RAD51B: variants seen among roughly 807,000 people sequenced by gnomAD.
The protein encoded by RAD51B is DNA repair protein RAD51 homolog 2.
Under a neutral mutation model 42.2 loss-of-function variants are expected in RAD51B, and 38 were observed. That is an observed-to-expected ratio of 0.90 (90% confidence interval 0.70 to 1.18). RAD51B has a LOEUF of 1.18. Among genes scored for constraint, RAD51B ranks in the 50% most tolerant of loss-of-function variants. RAD51B has a pLI of 0.00. For missense variants in RAD51B, 373 were observed against 400.7 expected (o/e 0.93, Z 0.59); for synonymous variants, 154 against 145.2 (o/e 1.06, Z -0.43).
intron 7 of RAD51B, among the ~76,000 whole-genome samples, chr14:68,068,336 A>G (rs12436203): frequency 0.13 from 19,216 of 152,118 alleles, 1,384 homozygotes; most frequent in Middle Eastern, 0.28. Context: ...GGATTTGCCT[A>G]TTCTTGACAT....
intron 11 of RAD51B, among the ~76,000 whole-genome samples, chr14:68,682,310 G>C (rs1400565521): frequency 6.6e-6 from 1 of 152,142 alleles, no homozygotes; most frequent in African/African-American, 2.4e-5. Flanking sequence ...CCATAGGCCA[G>C]ACACCTTTTG....
At chr14:67,908,062 G>C (rs576616660) in intron 7 of RAD51B, among the ~76,000 whole-genome samples, 15 of 152,010 alleles carry the variant, frequency 9.9e-5, no homozygotes, top group Non-Finnish European at 1.2e-4. Context: ...ATACCTATTT[G>C]TTTAAATTAC....
At chr14:68,662,262 C>T (rs1023909548) in intron 11 of RAD51B, among the ~76,000 whole-genome samples, 1 of 152,254 alleles carries the variant, frequency 6.6e-6, no homozygotes, top group Admixed American at 6.5e-5. Context: ...TCTTTCACAC[C>T]TGCCCCATCC....
chr14:67,947,186 T>G (rs2045424977), intron 7 of RAD51B, among the ~76,000 whole-genome samples: 1 of 152,170 alleles, frequency 6.6e-6, no homozygotes, highest in Non-Finnish European at 1.5e-5. Flanking sequence ...ATATTTTATA[T>G]CCCCATGACT....
chr14:68,532,811 A>G (rs1044458133), intron 10 of RAD51B, among the ~76,000 whole-genome samples: 1 of 152,246 alleles, frequency 6.6e-6, no homozygotes, highest in African/African-American at 2.4e-5. Flanking sequence ...TAAATAAAAT[A>G]TTAACAATAT....
intron 11 of RAD51B, among the ~76,000 whole-genome samples, chr14:68,670,479 G>A (rs1220134044): frequency 6.6e-6 from 1 of 152,172 alleles, no homozygotes; most frequent in Non-Finnish European, 1.5e-5. Context: ...CCAAGGAGAG[G>A]GCACTAGGCC....
chr14:67,953,133 C>G (rs143463872), intron 7 of RAD51B, among the ~76,000 whole-genome samples: 1 of 152,256 alleles, frequency 6.6e-6, no homozygotes, highest in East Asian at 1.9e-4. Context: ...AAAGCAGAAT[C>G]AACCATCTAA....
intron 8 of RAD51B, among the ~76,000 whole-genome samples, chr14:68,382,793 T>C (rs1318716055): frequency 6.6e-6 from 1 of 152,222 alleles, no homozygotes; most frequent in Non-Finnish European, 1.5e-5. Flanking sequence ...TGGTGGTATG[T>C]TGATAGTTTC....
intron 7 of RAD51B, among the ~76,000 whole-genome samples, chr14:68,154,386 T>TA (rs1318707946): frequency 6.6e-6 from 1 of 152,216 alleles, no homozygotes; most frequent in African/African-American, 2.4e-5. Flanking sequence ...TTCTTATTCG[T>TA]AAAAATAGGC....
chr14:68,575,846 T>C (rs1316811947), intron 10 of RAD51B, among the ~76,000 whole-genome samples: 1 of 152,220 alleles, frequency 6.6e-6, no homozygotes, highest in Non-Finnish European at 1.5e-5. Flanking sequence ...TAGAAAGATA[T>C]ATTAATCAGG....
chr14:68,397,261 A>C (rs2083950402), intron 8 of RAD51B, among the ~76,000 whole-genome samples: 1 of 152,240 alleles, frequency 6.6e-6, no homozygotes, highest in South Asian at 2.1e-4. Context: ...CTGGATAAGC[A>C]TTGGCCTTCG....
intron 10 of RAD51B, among the ~76,000 whole-genome samples, chr14:68,508,542 C>T (rs1885500897): frequency 6.6e-6 from 1 of 152,204 alleles, no homozygotes; most frequent in Non-Finnish European, 1.5e-5. Context: ...ATTCAAGGCC[C>T]AGACATAACC....
intron 11 of RAD51B, among the ~76,000 whole-genome samples, chr14:68,677,903 C>A (rs1272151919): frequency 1.3e-5 from 2 of 152,156 alleles, no homozygotes; most frequent in East Asian, 3.9e-4. Flanking sequence ...GCCTTTTTCC[C>A]AGCTCTTCCA....
intron 9 of RAD51B, among the ~76,000 whole-genome samples, chr14:68,430,130 A>G (rs968236437): frequency 6.6e-6 from 1 of 152,174 alleles, no homozygotes. Flanking sequence ...TACCAGTACC[A>G]TGCTGTTTTG....
chr14:68,546,219 C>T (rs758618769), intron 10 of RAD51B, among the ~76,000 whole-genome samples: 1 of 152,194 alleles, frequency 6.6e-6, no homozygotes, highest in Admixed American at 6.5e-5. Flanking sequence ...GGAGGAAGGA[C>T]TGGTAGCAGC....
chr14:68,228,941 C>T (rs538739630), intron 7 of RAD51B, among the ~76,000 whole-genome samples: 1 of 152,316 alleles, frequency 6.6e-6, no homozygotes, highest in Non-Finnish European at 1.5e-5. Context: ...CTCAGTGACT[C>T]ATCTGGGACC....
chr14:68,275,338 G>A (rs924054754), intron 7 of RAD51B, among the ~76,000 whole-genome samples: 2 of 151,990 alleles, frequency 1.3e-5, no homozygotes, highest in African/African-American at 4.8e-5. Flanking sequence ...ATTTTTATTT[G>A]AACCTCTAGT....
intron 4 of RAD51B, among the ~76,000 whole-genome samples, chr14:67,856,645 A>G (rs1398280029): frequency 6.6e-6 from 1 of 152,078 alleles, no homozygotes; most frequent in Admixed American, 6.6e-5. Context: ...GAATGTGAGG[A>G]GAGTTAACTT....
intron 8 of RAD51B, among the ~76,000 whole-genome samples, chr14:68,343,946 G>A (rs1438591653): frequency 6.6e-6 from 1 of 152,276 alleles, no homozygotes; most frequent in African/African-American, 2.4e-5. Context: ...TGCACAGAGT[G>A]CAAAAGTGAA....
Sources: gnomAD v4.1 joint callset for allele counts (sites outside exome capture counted in the v4.1 genomes callset) on GRCh38, gnomAD v4.1.1 for gene constraint, MANE v1.5 for transcripts, NCBI Gene and HGNC (gene_info 2026-07-23, HGNC 2026-07-21) for gene names.